CTNNA3: variants seen among roughly 807,000 people sequenced by gnomAD.
CTNNA3 encodes catenin alpha-3.
CTNNA3 carries 76 observed loss-of-function variants against 95.7 expected under a neutral mutation model. The observed-to-expected ratio is 0.79, with a 90% CI of 0.66 to 0.96. The LOEUF is 0.96. Ranked by LOEUF, CTNNA3 falls within the 40% of genes least tolerant of loss-of-function variation. The pLI is 0.00. For missense variants in CTNNA3, 1,191 were observed against 1,089.8 expected, an observed-to-expected ratio of 1.09 and a Z score of -1.31; for synonymous variants, 431 against 374.4, an observed-to-expected ratio of 1.15 and a Z score of -1.74.
intron 7 of CTNNA3, among the ~76,000 whole-genome samples, chr10:67,101,886 T>A (rs1486315120): frequency 6.6e-6 from 1 of 151,770 alleles, no homozygotes; most frequent in Non-Finnish European, 1.5e-5. Context: ...TGAAAACCAA[T>A]ACCTGATGTG....
intron 1 of CTNNA3, among the ~76,000 whole-genome samples, chr10:67,689,712 T>G (rs9971175): frequency 0.24 from 35,766 of 151,786 alleles, 5,031 homozygotes; most frequent in East Asian, 0.51. Context: ...GGAAGTACCA[T>G]TAAAGTGGAA....
intron 5 of CTNNA3, among the ~76,000 whole-genome samples, chr10:67,345,352 G>A (rs1384926558): frequency 6.6e-6 from 1 of 151,972 alleles, no homozygotes; most frequent in Non-Finnish European, 1.5e-5. Flanking sequence ...AGATCCATTT[G>A]GTTCATAGTG....
At chr10:66,231,974 C>T (rs1033846930) in intron 13 of CTNNA3, among the ~76,000 whole-genome samples, 1 of 152,170 alleles carries the variant, frequency 6.6e-6, no homozygotes, top group South Asian at 2.1e-4. Flanking sequence ...AATTCTGTTT[C>T]ACCATCTAAA....
chr10:66,558,492 T>C (rs1005023250), intron 10 of CTNNA3, among the ~76,000 whole-genome samples: 2 of 152,132 alleles, frequency 1.3e-5, no homozygotes, highest in African/African-American at 4.8e-5. Flanking sequence ...GGACTCTAGA[T>C]GAAAAATTTA....
intron 3 of CTNNA3, among the ~76,000 whole-genome samples, chr10:67,540,347 T>G (rs1395750786): frequency 6.6e-6 from 1 of 151,988 alleles, no homozygotes; most frequent in African/African-American, 2.4e-5. Flanking sequence ...ACAACATAAT[T>G]GATAATTACC....
chr10:67,211,067 C>T (rs976851717), intron 6 of CTNNA3, among the ~76,000 whole-genome samples: 1 of 152,140 alleles, frequency 6.6e-6, no homozygotes, highest in Non-Finnish European at 1.5e-5. Flanking sequence ...CCTGAATATG[C>T]AATTTTTAGG....
chr10:67,382,382 A>C (rs561701104), intron 5 of CTNNA3, among the ~76,000 whole-genome samples: 1 of 152,350 alleles, frequency 6.6e-6, no homozygotes, highest in South Asian at 2.1e-4. Flanking sequence ...TTTTCAAAAA[A>C]CTTTAAAACA....
chr10:66,507,575 T>C (rs1204291764), intron 11 of CTNNA3, among the ~76,000 whole-genome samples: 2 of 152,128 alleles, frequency 1.3e-5, no homozygotes, highest in Admixed American at 1.3e-4. Context: ...GTTTTGCTCC[T>C]ACATGTGAGT....
intron 17 of CTNNA3, among the ~76,000 whole-genome samples, chr10:65,922,328 T>C (rs1375500533): frequency 6.6e-6 from 1 of 152,208 alleles, no homozygotes; most frequent in Non-Finnish European, 1.5e-5. Context: ...ATAGAGTATC[T>C]TATTTGCCAA....
At chr10:67,240,075 C>T (rs1335795436) in intron 5 of CTNNA3, among the ~76,000 whole-genome samples, 1 of 152,148 alleles carries the variant, frequency 6.6e-6, no homozygotes, top group Admixed American at 6.6e-5. Context: ...CTCAACAAAG[C>T]AGAGCTACAT....
chr10:67,161,620 A>G (rs578248107), intron 7 of CTNNA3, among the ~76,000 whole-genome samples: 1 of 152,200 alleles, frequency 6.6e-6, no homozygotes, highest in East Asian at 1.9e-4. Context: ...TAAATTAAAA[A>G]CAGAGGGAAC....
chr10:67,079,986 G>A (rs1856966221), intron 7 of CTNNA3, among the ~76,000 whole-genome samples: 1 of 152,050 alleles, frequency 6.6e-6, no homozygotes, highest in South Asian at 2.1e-4. Context: ...GTAGTTAGAG[G>A]AGGGTGGTTG....
intron 1 of CTNNA3, among the ~76,000 whole-genome samples, chr10:67,660,442 G>A (rs1840146478): frequency 6.6e-6 from 1 of 151,902 alleles, no homozygotes; most frequent in Non-Finnish European, 1.5e-5. Context: ...GGACATGGTG[G>A]GCAGACTAGC....
intron 3 of CTNNA3, among the ~76,000 whole-genome samples, chr10:67,561,943 A>C (rs1432579924): frequency 6.6e-6 from 1 of 152,350 alleles, no homozygotes; most frequent in Non-Finnish European, 1.5e-5. Flanking sequence ...AACCACGAAG[A>C]AGTTGAATCT....
intron 7 of CTNNA3, among the ~76,000 whole-genome samples, chr10:67,119,598 G>A (rs1240902995): frequency 1.3e-5 from 2 of 151,930 alleles, no homozygotes; most frequent in Non-Finnish European, 2.9e-5. Flanking sequence ...TATCAGAGGT[G>A]TGACAATTCT....
At chr10:67,564,232 T>G (rs1030774687) in intron 3 of CTNNA3, among the ~76,000 whole-genome samples, 1 of 149,434 alleles carries the variant, frequency 6.7e-6, no homozygotes, top group Non-Finnish European at 1.5e-5. Flanking sequence ...AGCAAAGACT[T>G]GAAACCAACC....
At chr10:67,551,600 C>T (rs1841035654) in intron 3 of CTNNA3, among the ~76,000 whole-genome samples, 1 of 152,164 alleles carries the variant, frequency 6.6e-6, no homozygotes, top group Non-Finnish European at 1.5e-5. Flanking sequence ...AACACATGCC[C>T]ACTGGGGCTT....
intron 3 of CTNNA3, among the ~76,000 whole-genome samples, chr10:67,572,557 A>G (rs1158806388): frequency 6.6e-6 from 1 of 152,218 alleles, no homozygotes; most frequent in African/African-American, 2.4e-5. Flanking sequence ...ACAATCAGTA[A>G]GTCTCAAAGG....
chr10:67,018,592 G>A (rs1466996273), intron 7 of CTNNA3, among the ~76,000 whole-genome samples: 1 of 152,212 alleles, frequency 6.6e-6, no homozygotes, highest in African/African-American at 2.4e-5. Context: ...TTGTTACCTA[G>A]TGATTAAGTC....
Sources: gnomAD v4.1 joint callset for allele counts (sites outside exome capture counted in the v4.1 genomes callset) on GRCh38, gnomAD v4.1.1 for gene constraint, MANE v1.5 for transcripts, NCBI Gene and HGNC (gene_info 2026-07-23, HGNC 2026-07-21) for gene names.